UBE2W: variants seen among roughly 807,000 people sequenced by gnomAD.
The protein encoded by UBE2W is ubiquitin-conjugating enzyme E2 W.
Under a neutral mutation model 27.2 loss-of-function variants are expected in UBE2W, and 18 were observed. The ratio of observed to expected loss-of-function variants is 0.66; its 90% CI spans 0.46 to 0.98. The LOEUF (loss-of-function observed/expected upper bound fraction) is 0.98, where lower values mean the gene tolerates loss of function less well. UBE2W is among the 50% of genes least tolerant of loss of function. UBE2W has a pLI of 0.00. For missense variants in UBE2W, 90 were observed against 180.2 expected (o/e 0.50, Z 2.87); for synonymous variants, 53 against 57.2 (o/e 0.93, Z 0.33).
chr8:73,834,713 A>G (rs1241190441), intron 1 of UBE2W, among the ~76,000 whole-genome samples: 2 of 152,198 alleles, frequency 1.3e-5, no homozygotes, highest in Non-Finnish European at 2.9e-5. Context: ...GTTCAAGACT[A>G]GCCTGGGCAA....
chr8:73,837,390 G>T (rs1014053693), intron 1 of UBE2W, among the ~76,000 whole-genome samples: 1 of 152,102 alleles, frequency 6.6e-6, no homozygotes, highest in Non-Finnish European at 1.5e-5. Flanking sequence ...GTAAGTGTCT[G>T]TAATCCCAGC....
At chr8:73,817,414 G>A (rs111718379) in intron 3 of UBE2W, among the ~76,000 whole-genome samples, 1 of 152,202 alleles carries the variant, frequency 6.6e-6, no homozygotes, top group African/African-American at 2.4e-5. Flanking sequence ...ACAGAGGAAA[G>A]GGGTACAAAT....
intron 3 of UBE2W, among the ~76,000 whole-genome samples, chr8:73,814,558 GC>G (rs1356793400): frequency 2.0e-5 from 3 of 152,042 alleles, no homozygotes; most frequent in East Asian, 3.9e-4. Context: ...TCGCACTGTT[GC>G]CCAGGCTGGA....
At chr8:73,794,931 TA>T (rs1308162875) in intron 5 of UBE2W, among the ~76,000 whole-genome samples, 2 of 151,616 alleles carry the variant, frequency 1.3e-5, no homozygotes, top group African/African-American at 4.8e-5. Flanking sequence ...ATGGGGTCAT[TA>T]AAAAACTCAT....
intron 2 of UBE2W, among the ~76,000 whole-genome samples, chr8:73,828,891 GCTTCTTAATGTGCTTT>G (rs1809961318): frequency 6.6e-6 from 1 of 152,056 alleles, no homozygotes; most frequent in East Asian, 1.9e-4. Flanking sequence ...CCATCAGAAA[GCTTCTTAATGTGCTTT>G]CATCATCCTC....
downstream of UBE2W, chr8:73,786,159 CA>C: frequency 4.3e-6 from 4 of 933,668 alleles, no homozygotes; most frequent in Non-Finnish European, 3.8e-6. Context: ...TAATTTGTGA[CA>C]AGCAATTTGC....
At chr8:73,869,747 C>T (rs537212874) in intron 1 of UBE2W, among the ~76,000 whole-genome samples, 69 of 151,922 alleles carry the variant, frequency 4.5e-4, no homozygotes, top group African/African-American at 1.4e-3. Flanking sequence ...GCCTGTAGTA[C>T]CAGCTATTAC....
At position 73,788,872 on chromosome 8, in the gene UBE2W, T is replaced by C; in HGVS notation, c.*5230A>G. On this transcript the variant is annotated 3_prime_UTR_variant, in exon 6 of 6. Transcript: ENST00000602593. ...AACTCCTCACTCACCATATTAAAAC[T>C]GGAGTTCTTGAGGTATGTTAAGATA... 5.1e-6 allele frequency: 5 copies of C among 985,380 alleles called. No homozygotes were observed. The highest frequency in any genetic ancestry group is 6.0e-6 in the Non-Finnish European group (5 of 829,918). 61.0% of individuals were successfully genotyped at this position (985,380 alleles called of 1,614,324 possible).
intron 1 of UBE2W, among the ~76,000 whole-genome samples, chr8:73,877,767 G>C (rs1371968443): frequency 6.6e-6 from 1 of 152,182 alleles, no homozygotes; most frequent in African/African-American, 2.4e-5. Context: ...GTCTTCACCT[G>C]TGAATTAAAT....
intron 1 of UBE2W, among the ~76,000 whole-genome samples, chr8:73,841,512 C>G (rs773544504): frequency 5.3e-5 from 8 of 152,116 alleles, no homozygotes; most frequent in Non-Finnish European, 1.0e-4. Flanking sequence ...TAAGAGCCCA[C>G]AGCCCACAAA....
At chr8:73,843,087 A>G (rs1210666886) in intron 1 of UBE2W, among the ~76,000 whole-genome samples, 1 of 152,204 alleles carries the variant, frequency 6.6e-6, no homozygotes, top group Non-Finnish European at 1.5e-5. Flanking sequence ...AAGACCACAT[A>G]TTGTATGATA....
chr8:73,841,326 G>A (rs375496593), intron 1 of UBE2W, among the ~76,000 whole-genome samples: 1 of 152,216 alleles, frequency 6.6e-6, no homozygotes, highest in East Asian at 1.9e-4. Flanking sequence ...CTCAGGCTGA[G>A]TAAGGAAGCA....
At chr8:73,815,375 G>GA (rs1032848959) in intron 3 of UBE2W, among the ~76,000 whole-genome samples, 9 of 150,880 alleles carry the variant, frequency 6.0e-5, no homozygotes, top group African/African-American at 9.7e-5. Context: ...CCCTGTCTTG[G>GA]AAAAAAAACA....
chr8:73,856,009 C>G (rs907365262), intron 1 of UBE2W, among the ~76,000 whole-genome samples: 1 of 152,068 alleles, frequency 6.6e-6, no homozygotes, highest in African/African-American at 2.4e-5. Context: ...TTTATATTCT[C>G]ATTATGTTTT....
chr8:73,857,462 GTAAGAGTAT>G (rs1211798048), intron 1 of UBE2W, among the ~76,000 whole-genome samples: 1 of 21,092 alleles, frequency 4.7e-5, no homozygotes, highest in African/African-American at 6.2e-5. Flanking sequence ...TTGCAAGTAT[GTAAGAGTAT>G]GTAAGATCAG....
chr8:73,821,234 C>A (rs950035217), intron 3 of UBE2W, among the ~76,000 whole-genome samples: 11 of 152,056 alleles, frequency 7.2e-5, no homozygotes, highest in African/African-American at 2.4e-4. Context: ...CTACAAGTTT[C>A]AATTTCTTCA....
At chr8:73,857,996 A>T (rs910447251) in intron 1 of UBE2W, among the ~76,000 whole-genome samples, 4 of 152,006 alleles carry the variant, frequency 2.6e-5, no homozygotes, top group Admixed American at 1.3e-4. Context: ...AGGCTAAGGC[A>T]GGCGGATCAC....
chr8:73,865,180 CAAAAAAAAAAAAAA>C (rs11354153), intron 1 of UBE2W, among the ~76,000 whole-genome samples: 449 of 32,858 alleles, frequency 0.014, 11 homozygotes, highest in Non-Finnish European at 0.021. Context: ...GTGCAAACGT[CAAAAAAAAAAAAAA>C]AAAAAAAAAA....
At chr8:73,809,197 A>G (rs991590877) in intron 4 of UBE2W, among the ~76,000 whole-genome samples, 4 of 152,174 alleles carry the variant, frequency 2.6e-5, no homozygotes, top group Non-Finnish European at 5.9e-5. Context: ...AAAAAACAAA[A>G]CAAAACCAAT....
Sources: gnomAD v4.1 joint callset for allele counts (sites outside exome capture counted in the v4.1 genomes callset) on GRCh38, gnomAD v4.1.1 for gene constraint, MANE v1.5 for transcripts, NCBI Gene and HGNC (gene_info 2026-07-23, HGNC 2026-07-21) for gene names.